AARSD1: variants seen among roughly 807,000 people sequenced by gnomAD.
The protein encoded by AARSD1 is alanyl-tRNA synthetase domain containing 1, also known as alanyl-tRNA editing protein Aarsd1.
AARSD1 carries 44 observed loss-of-function variants against 48.7 expected under a neutral mutation model. That is an observed-to-expected ratio of 0.90 (90% CI 0.71 to 1.16). The LOEUF is 1.16. Ranked by LOEUF, AARSD1 falls within the 50% of genes most tolerant of loss-of-function variation. The pLI, the probability that AARSD1 is intolerant of heterozygous loss-of-function variation, is 0.00. For missense variants in AARSD1, 511 were observed against 523.1 expected (o/e 0.98, Z 0.23); for synonymous variants, 189 against 194.9 (o/e 0.97, Z 0.25).
chr17:42,960,264 A>G (rs964797177), intron 3 of AARSD1, among the ~76,000 whole-genome samples: 3 of 149,020 alleles, frequency 2.0e-5, no homozygotes, highest in Non-Finnish European at 3.0e-5. Context: ...CGAGACTCCA[A>G]CTCAAAAAAA....
intron 11 of AARSD1, 54 bp from the exon 12 acceptor site, chr17:42,950,782 A>C (rs2049469961): frequency 1.3e-6 from 2 of 1,570,838 alleles, no homozygotes; most frequent in Non-Finnish European, 1.7e-6. Context: ...CACAAAAAAA[A>C]ACAAGGGCAG....
In AARSD1 at chr17:42,957,211, C is replaced by A. The variant is rs1175372009; in HGVS notation, c.332-16G>T. The A allele has an allele frequency of 1.2e-6, 2 of 1,613,136 alleles. No individual in the cohort carries two copies. The highest frequency in any genetic ancestry group is 2.2e-5 in the East Asian group (1 of 44,850). ...AGATGCTGCCCTAAGCAAAGAGAGC[C>A]AGAGACAGGAGAAAAGTGAGAAGCC... is the stretch of plus-strand genomic sequence containing the variant. On this transcript the variant is annotated splice_polypyrimidine_tract_variant and intron_variant, in intron 3 of 11. Transcript: ENST00000427569.
intron 3 of AARSD1, 129 bp from the exon 4 acceptor site, chr17:42,957,324 T>A: frequency 8.8e-7 from 1 of 1,132,290 alleles, no homozygotes; most frequent in East Asian, 2.5e-5. Context: ...CACTGGGTAA[T>A]ACACTTTAGA....
intron 8 of AARSD1, 25 bp from the exon 9 acceptor site, chr17:42,954,992 A>C (rs1480366123): frequency 6.2e-7 from 1 of 1,614,018 alleles, no homozygotes; most frequent in Admixed American, 1.7e-5. Context: ...GTAACTCAGT[A>C]GATAAATGGA....
In AARSD1 at chr17:42,955,885, C is replaced by T. The variant is rs1362725426; in HGVS notation, c.751G>A (p.Glu251Lys). Residue 251 changes from glutamate to lysine, a missense_variant, in exon 7 of 12, where the codon GAG becomes AAG. By Grantham distance (56) the Glu-to-Lys change is moderately conservative. Transcript: ENST00000427569. ...LSGNRVLKWM[E>K]RSHGTEKALT... is the part of the protein sequence containing the mutation. ...GCTTTTTCAGTTCCATGACTTCTCT[C>T]CATCCACTTCAGCACCCGGTTCCCA... is the stretch of plus-strand genomic sequence containing the variant. 6.2e-7 allele frequency: 1 copy of T among 1,614,136 alleles called. No individual in the cohort carries two copies. The highest frequency in any genetic ancestry group is 8.5e-7 in the Non-Finnish European group (1 of 1,180,030).
At chr17:42,955,344 A>G in intron 7 of AARSD1, 120 bp from the exon 8 acceptor site, 5 of 1,247,864 alleles carry the variant, frequency 4.0e-6, no homozygotes, top group Non-Finnish European at 5.5e-6. Flanking sequence ...ACCAGGAGAT[A>G]TTCTGAGGAG....
At position 42,954,859 on chromosome 17, in the gene AARSD1, A is replaced by G; in HGVS notation, c.953+17T>C. Reference sequence around the variant, plus strand: ...AACACAGTTCCCCTTCCTTGTGTCCAGCTCCTAATTTCTCACCTGTGTAAT... The same window carrying G: ...AACACAGTTCCCCTTCCTTGTGTCCGGCTCCTAATTTCTCACCTGTGTAAT... On this transcript the variant is annotated intron_variant, in intron 9 of 11. Coordinates refer to ENST00000427569, the MANE Select transcript of AARSD1 (RefSeq NM_001261434.2). 6.2e-7 allele frequency: 1 copy of G among 1,613,834 alleles called. No homozygotes were observed. The highest frequency in any genetic ancestry group is 8.5e-7 in the Non-Finnish European group (1 of 1,179,794).
Position 42,964,443 on chromosome 17 carries a change from C to G in AARSD1, c.-3G>C. ...TCACGCTGACACCAGAACGCCATAC[C>G]TGCAGGCGTGTGAGGAGGCGCACGC... On this transcript the variant is annotated 5_prime_UTR_variant, in exon 1 of 12. Transcript: ENST00000427569. 1 of 1,550,750 alleles carries G rather than the reference C, an allele frequency of 6.4e-7. No homozygotes were observed. The highest frequency in any genetic ancestry group is 8.7e-7 in the Non-Finnish European group (1 of 1,147,022).
chr17:42,952,874 C>T (rs532808139), intron 10 of AARSD1, among the ~76,000 whole-genome samples: 105 of 148,746 alleles, frequency 7.1e-4, no homozygotes, highest in African/African-American at 2.5e-3. Flanking sequence ...AGTGCAGTGG[C>T]GCAATCTCGG....
chr17:42,954,104 A>C, intron 9 of AARSD1: 1 of 247,152 alleles, frequency 4.0e-6, no homozygotes, highest in Non-Finnish European at 8.1e-6. Flanking sequence ...CTGTAATCTC[A>C]GCACTTTGGG....
At chr17:42,961,066 T>C in intron 3 of AARSD1, 126 bp downstream of exon 3, 1 of 1,423,680 alleles carries the variant, frequency 7.0e-7, no homozygotes, top group Non-Finnish European at 9.3e-7. Context: ...GAATTACAGC[T>C]GATTCTGAAT....
chr17:42,955,255 C>G, intron 7 of AARSD1, 31 bp from the exon 8 acceptor site: 1 of 1,612,694 alleles, frequency 6.2e-7, no homozygotes, highest in South Asian at 1.1e-5. Flanking sequence ...GAGACCTGCG[C>G]AGCTTCCCAG....
chr17:42,955,005 G>C, intron 8 of AARSD1, 38 bp from the exon 9 acceptor site: 1 of 1,613,602 alleles, frequency 6.2e-7, no homozygotes, highest in Non-Finnish European at 8.5e-7. Context: ...TAAATGGAAA[G>C]GATAACAATA....
In AARSD1 at chr17:42,956,203, C is replaced by A. The variant is rs2049548776; in HGVS notation, c.663+1G>T. On this transcript the variant is annotated splice_donor_variant, in intron 6 of 11. Transcript: ENST00000427569. LOFTEE classifies it high-confidence loss of function. ...CCACTCCACAGCCGTTCCTCACTTA[C>A]CTGAAGGTCACTGAGATTGCTCACA... 2 of 1,613,958 alleles carry A rather than the reference C, an allele frequency of 1.2e-6. No individual in the cohort carries two copies. Among genetic ancestry groups the A allele is most frequent in the East Asian group, 2.2e-5 (1 of 44,896 alleles).
intron 11 of AARSD1, 135 bp downstream of exon 11, chr17:42,951,665 T>C: frequency 1.1e-6 from 1 of 902,334 alleles, no homozygotes; most frequent in Non-Finnish European, 1.7e-6. Flanking sequence ...TAATTATCTC[T>C]GCTCAGCCCA....
chr17:42,957,320 G>T, intron 3 of AARSD1, 125 bp from the exon 4 acceptor site: 2 of 1,182,482 alleles, frequency 1.7e-6, no homozygotes, highest in Non-Finnish European at 1.2e-6. Context: ...TAAGCACTGG[G>T]TAATACACTT....
In AARSD1 at chr17:42,951,976, T is replaced by C; in HGVS notation, c.1009-82A>G. 5 of 1,433,582 alleles carry C rather than the reference T, an allele frequency of 3.5e-6. No individual in the cohort carries two copies. The South Asian group carries it at 5.8e-5, about 17-fold the overall frequency. 88.8% of individuals were successfully genotyped at this position (1,433,582 alleles called of 1,614,324 possible). A position where few individuals can be genotyped will look rare whatever the true frequency, so the allele number is the denominator to read the frequency against. On this transcript the variant is annotated intron_variant, in intron 10 of 11. Coordinates refer to ENST00000427569, the MANE Select transcript of AARSD1 (RefSeq NM_001261434.2). ...CCAAATCCTGCACTCTCTTCAATCT[T>C]AAGAATAGATTATTTCCCCCTAAAC...
chr17:42,950,652 G>A lies in AARSD1; in HGVS notation c.1180C>T (p.Arg394Trp), dbSNP rs763918882. The A allele has an allele frequency of 5.0e-6, 8 of 1,613,928 alleles. No homozygotes were observed. Among genetic ancestry groups the A allele is most frequent in the South Asian group, 3.3e-5 (3 of 91,046 alleles). Residue 394 changes from arginine to tryptophan, a missense_variant, in exon 12 of 12, where the codon CGG becomes TGG. Transcript: ENST00000427569. Reference protein sequence around the residue: ...FQGKATKMSRRMEAQALLQDY... With the variant: ...FQGKATKMSRWMEAQALLQDY... ...TGGAGAAGCGCCTGCGCCTCCATCC[G>A]CCGGCTCATCTTGGTGGCCTTGCCC...
chr17:42,960,143 C>T (rs1323928063), intron 3 of AARSD1, among the ~76,000 whole-genome samples: 2 of 151,722 alleles, frequency 1.3e-5, no homozygotes, highest in Non-Finnish European at 2.9e-5. Context: ...GTGGCACGCA[C>T]CTGTTATCCC....
Sources: allele counts gnomAD v4.1 joint callset (sites outside exome capture counted in the v4.1 genomes callset), GRCh38; gene constraint gnomAD v4.1.1; transcripts MANE v1.5; gene names NCBI Gene and HGNC (gene_info 2026-07-23, HGNC 2026-07-21).